The following INVS variants were observed in gnomAD, a reference collection of about 807,000 sequenced individuals.
INVS encodes the protein inversion of embryo turning homolog.
INVS carries 86 observed loss-of-function variants against 108.8 expected under a neutral mutation model. The observed-to-expected ratio is 0.79, with a 90% CI of 0.66 to 0.95. The LOEUF (loss-of-function observed/expected upper bound fraction) is 0.95, where lower values mean the gene tolerates loss of function less well. Among genes scored for constraint, INVS ranks in the 40% least tolerant of loss-of-function variants. INVS has a pLI of 0.00. For synonymous variants in INVS, 455 were observed against 473.5 expected (o/e 0.96, Z 0.51); for missense variants, 1,169 against 1,297.4 (o/e 0.90, Z 1.52).
chr9:100,284,909 A>C (rs1357798010), intron 13 of INVS, among the ~76,000 whole-genome samples: 1 of 151,886 alleles, frequency 6.6e-6, no homozygotes, highest in Non-Finnish European at 1.5e-5. Context: ...TTTACGTTTC[A>C]TTGCTTAGGT....
rs181518739 is a variant in INVS, at chr9:100,116,239, G to C, written c.107-10144G>C. Among the ~76,000 whole-genome samples the C allele has an allele frequency of 3.3e-3, 499 of 151,842 alleles. 1 individual carries two copies. Among genetic ancestry groups the C allele is most frequent in the Middle Eastern group, 0.017 (5 of 294 alleles). On this transcript the variant is annotated intron_variant, in intron 2 of 16. Transcript: ENST00000262457. ...ATGCCTCAGCCTCCTAAGTAGCTGG[G>C]ATTACAGACATGAGTCCAGCCACTG... is the stretch of plus-strand genomic sequence containing the variant.
chr9:100,170,785 T>C (rs1199055874), intron 3 of INVS, among the ~76,000 whole-genome samples: 1 of 152,194 alleles, frequency 6.6e-6, no homozygotes, highest in Non-Finnish European at 1.5e-5. Flanking sequence ...CAACAAATAT[T>C]TGTGCAAAAG....
At chr9:100,252,678 G>A (rs1021381098) in intron 9 of INVS, among the ~76,000 whole-genome samples, 15 of 152,152 alleles carry the variant, frequency 9.9e-5, no homozygotes, top group African/African-American at 3.6e-4. Flanking sequence ...ATATAAAGGG[G>A]GACTGATTCC....
intron 10 of INVS, among the ~76,000 whole-genome samples, chr9:100,260,686 A>G (rs1453687528): frequency 6.6e-6 from 1 of 152,188 alleles, no homozygotes; most frequent in Non-Finnish European, 1.5e-5. Flanking sequence ...AGATGAGGAA[A>G]TTGAAGCTCA....
intron 3 of INVS, among the ~76,000 whole-genome samples, chr9:100,198,693 A>G (rs1830457293): frequency 6.6e-6 from 1 of 151,706 alleles, no homozygotes; most frequent in African/African-American, 2.4e-5. Context: ...CTGGGGTTCA[A>G]GCAATTCTTC....
At chr9:100,218,326 A>C (rs1296870120) in intron 3 of INVS, among the ~76,000 whole-genome samples, 1 of 152,220 alleles carries the variant, frequency 6.6e-6, no homozygotes, top group Non-Finnish European at 1.5e-5. Context: ...TGTAGGTCCC[A>C]AAGTATTGGT....
At chr9:100,174,402 TA>T (rs929801459) in intron 3 of INVS, among the ~76,000 whole-genome samples, 65 of 143,986 alleles carry the variant, frequency 4.5e-4, no homozygotes, top group Non-Finnish European at 4.3e-4. Flanking sequence ...AACCAATCTT[TA>T]AAAAAAAAAA....
At chr9:100,298,086 A>C (rs1198902122) in intron 16 of INVS, 76 bp downstream of exon 16, 1 of 1,608,632 alleles carries the variant, frequency 6.2e-7, no homozygotes, top group Admixed American at 1.7e-5. Context: ...CCCCAAAGAC[A>C]GAAGACATTA....
intron 3 of INVS, among the ~76,000 whole-genome samples, chr9:100,224,638 A>G (rs1330965973): frequency 1.3e-5 from 2 of 151,564 alleles, no homozygotes; most frequent in African/African-American, 2.4e-5. Flanking sequence ...TTTTTTTGAA[A>G]TGGAGTCCGG....
At chr9:100,267,202 C>A (rs1439084887) in intron 11 of INVS, among the ~76,000 whole-genome samples, 2 of 151,952 alleles carry the variant, frequency 1.3e-5, no homozygotes, top group Non-Finnish European at 2.9e-5. Context: ...GAATATGAGA[C>A]CTAAGTAACT....
At chr9:100,210,714 C>T (rs893276567) in intron 3 of INVS, among the ~76,000 whole-genome samples, 7 of 152,244 alleles carry the variant, frequency 4.6e-5, no homozygotes, top group African/African-American at 1.4e-4. Context: ...AAAGCTTCCC[C>T]AACTCTTAGC....
intron 6 of INVS, among the ~76,000 whole-genome samples, chr9:100,241,783 T>G (rs1831881859): frequency 6.6e-6 from 1 of 152,230 alleles, no homozygotes; most frequent in African/African-American, 2.4e-5. Flanking sequence ...TCAAATTACT[T>G]TTCTCTGCTT....
chr9:100,263,530 C>T (rs1832694436), intron 10 of INVS, among the ~76,000 whole-genome samples: 1 of 152,204 alleles, frequency 6.6e-6, no homozygotes, highest in African/African-American at 2.4e-5. Context: ...TTCTTACACT[C>T]ACCCTCCTGA....
At chr9:100,270,027 CTG>C (rs1199617941) in intron 11 of INVS, among the ~76,000 whole-genome samples, 12 of 152,100 alleles carry the variant, frequency 7.9e-5, no homozygotes, top group African/African-American at 2.9e-4. Context: ...ATGAGGAAAA[CTG>C]AGGCTTAGAG....
rs541328738 is a variant in INVS, at chr9:100,111,829, C to T, written c.106+7202C>T. On this transcript the variant is annotated intron_variant, in intron 2 of 16. Transcript: ENST00000262457. Reference sequence around the variant, plus strand: ...GGTGGATAGATAAAGGCACAGACCTCGCTCAGTTACTGGCCAGGAAGCCCA... The same window carrying T: ...GGTGGATAGATAAAGGCACAGACCTTGCTCAGTTACTGGCCAGGAAGCCCA... Among the ~76,000 whole-genome samples, 3 of 152,228 alleles carry T rather than the reference C, an allele frequency of 2.0e-5. No homozygotes were observed. The South Asian group carries it at 6.2e-4, about 32-fold the overall frequency.
At chr9:100,137,837 A>C (rs1564128134) in intron 3 of INVS, among the ~76,000 whole-genome samples, 1 of 152,222 alleles carries the variant, frequency 6.6e-6, no homozygotes, top group Non-Finnish European at 1.5e-5. Flanking sequence ...GATGTGATTA[A>C]GAAAATGGCA....
intron 3 of INVS, among the ~76,000 whole-genome samples, chr9:100,206,413 A>G (rs1758782391): frequency 6.6e-6 from 1 of 152,054 alleles, no homozygotes; most frequent in African/African-American, 2.4e-5. Context: ...ATTTACAGAA[A>G]AGTTTCAAGA....
intron 3 of INVS, among the ~76,000 whole-genome samples, chr9:100,181,508 A>C (rs10760720): frequency 0.31 from 47,799 of 151,998 alleles, 8,622 homozygotes; most frequent in Non-Finnish European, 0.42. Context: ...GTGAACTCCT[A>C]TTCACAATTG....
intron 10 of INVS, among the ~76,000 whole-genome samples, chr9:100,260,186 C>CTTTTTTTT (rs372496395): frequency 7.9e-5 from 8 of 101,494 alleles, no homozygotes; most frequent in Non-Finnish European, 1.4e-4. Flanking sequence ...ATTTTCTTTT[C>CTTTTTTTT]TTTTTTTTTT....
Sources: gnomAD v4.1 joint callset for allele counts (sites outside exome capture counted in the v4.1 genomes callset) on GRCh38, gnomAD v4.1.1 for gene constraint, MANE v1.5 for transcripts, NCBI Gene and HGNC (gene_info 2026-07-23, HGNC 2026-07-21) for gene names.